Variants in PRKG1 observed in about 807,000 individuals in gnomAD.
PRKG1 encodes the protein protein kinase cGMP-dependent 1, also known as cGMP-dependent protein kinase 1.
In PRKG1, 35 loss-of-function variants were observed where a neutral mutation model predicts 88.1. The ratio of observed to expected loss-of-function variants is 0.40; its 90% CI spans 0.30 to 0.53. The LOEUF (loss-of-function observed/expected upper bound fraction) is 0.53, where lower values mean the gene tolerates loss of function less well. Ranked by LOEUF, PRKG1 falls within the 20% of genes least tolerant of loss-of-function variation. The pLI, the probability that PRKG1 is intolerant of heterozygous loss-of-function variation, is 0.59. For synonymous variants in PRKG1, 303 were observed against 292.5 expected (o/e 1.04, Z -0.37); for missense variants, 540 against 839.8 (o/e 0.64, Z 4.41).
At chr10:51,289,688 G>A (rs1840532731) in intron 2 of PRKG1, among the ~76,000 whole-genome samples, 1 of 152,018 alleles carries the variant, frequency 6.6e-6, no homozygotes, top group Admixed American at 6.6e-5. Flanking sequence ...GAGAGAGAGA[G>A]AGTTTGTGGG....
At chr10:51,804,075 C>A (rs1008964464) in intron 3 of PRKG1, among the ~76,000 whole-genome samples, 1 of 152,036 alleles carries the variant, frequency 6.6e-6, no homozygotes, top group Non-Finnish European at 1.5e-5. Context: ...GTAAAACGAG[C>A]TTTGTGTGGA....
intron 10 of PRKG1, among the ~76,000 whole-genome samples, chr10:52,269,063 T>TAAA (rs112305020): frequency 1.4e-5 from 2 of 142,310 alleles, no homozygotes; most frequent in Non-Finnish European, 1.6e-5. Context: ...TGTACAAGTA[T>TAAA]AAAAAAAAAA....
At chr10:51,421,587 C>T (rs189626187) in intron 2 of PRKG1, among the ~76,000 whole-genome samples, 1 of 152,226 alleles carries the variant, frequency 6.6e-6, no homozygotes, top group East Asian at 1.9e-4. Flanking sequence ...CTCTCAGAGC[C>T]CTGGTAAGTA....
chr10:51,807,957 GT>G (rs550229970), intron 4 of PRKG1, among the ~76,000 whole-genome samples: 1 of 152,126 alleles, frequency 6.6e-6, no homozygotes, highest in East Asian at 1.9e-4. Flanking sequence ...TTCAGGGTGT[GT>G]TTTTCTGAGC....
intron 3 of PRKG1, among the ~76,000 whole-genome samples, chr10:51,550,214 TCTAA>T (rs753102761): frequency 2.2e-4 from 33 of 152,118 alleles, no homozygotes; most frequent in Admixed American, 7.2e-4. Context: ...TTCCTTAATC[TCTAA>T]CTATTTCAAC....
intron 2 of PRKG1, among the ~76,000 whole-genome samples, chr10:51,176,932 A>C (rs955169801): frequency 6.6e-6 from 1 of 152,186 alleles, no homozygotes; most frequent in African/African-American, 2.4e-5. Context: ...TAAATGTTCC[A>C]CTGGGAGCAA....
At chr10:51,103,622 G>A (rs10995651) in intron 1 of PRKG1, among the ~76,000 whole-genome samples, 33,523 of 152,116 alleles carry the variant, frequency 0.22, 3,837 homozygotes, top group Admixed American at 0.27. Flanking sequence ...ATAAGAGGGA[G>A]GAGGGGGTCA....
chr10:51,350,638 T>C lies in PRKG1; in HGVS notation c.479-117085T>C, dbSNP rs960631766. ...AATCGGAAAGGAAGAAGTCAAATTATCCTTGTTTGCAGATGATATGATCTT... is the reference window on the plus strand; with the variant it reads ...AATCGGAAAGGAAGAAGTCAAATTACCCTTGTTTGCAGATGATATGATCTT... On this transcript the variant is annotated intron_variant, in intron 2 of 17. Transcript: ENST00000373980. Among the ~76,000 whole-genome samples, 7 of 152,052 alleles carry C rather than the reference T, an allele frequency of 4.6e-5. No individual in the cohort carries two copies. In the East Asian group the frequency reaches 1.4e-3, roughly 30 times the overall value.
At chr10:51,928,545 T>A (rs78118383) in intron 5 of PRKG1, among the ~76,000 whole-genome samples, 6 of 152,174 alleles carry the variant, frequency 3.9e-5, no homozygotes, top group Admixed American at 3.9e-4. Flanking sequence ...AGACTTTTAG[T>A]GTGCTGATAA....
At chr10:51,069,878 A>G (rs1303158052), upstream of PRKG1, among the ~76,000 whole-genome samples, 1 of 152,116 alleles carries the variant, frequency 6.6e-6, no homozygotes, top group African/African-American at 2.4e-5. Context: ...CAATTTTAGG[A>G]TTAGTACAAT....
intron 3 of PRKG1, among the ~76,000 whole-genome samples, chr10:51,799,674 A>G (rs541605561): frequency 6.6e-6 from 1 of 152,034 alleles, no homozygotes; most frequent in East Asian, 1.9e-4. Flanking sequence ...ACTAAATAGT[A>G]TAAAAGTATT....
chr10:51,458,960 C>T (rs528626593), intron 2 of PRKG1, among the ~76,000 whole-genome samples: 3 of 152,216 alleles, frequency 2.0e-5, no homozygotes, highest in East Asian at 3.9e-4. Context: ...TGAAGAATGA[C>T]TCTATTCACT....
intron 7 of PRKG1, among the ~76,000 whole-genome samples, chr10:52,131,645 G>A (rs1387245668): frequency 3.3e-5 from 5 of 151,500 alleles, no homozygotes; most frequent in Admixed American, 2.0e-4. Flanking sequence ...TCAGGAGTTC[G>A]AGACCAGCCT....
chr10:51,634,507 T>TC (rs1272178537), intron 3 of PRKG1, among the ~76,000 whole-genome samples: 2 of 152,178 alleles, frequency 1.3e-5, no homozygotes, highest in African/African-American at 4.8e-5. Context: ...ATGTTCTTAT[T>TC]CCAAATCTTG....
At chr10:51,212,227 A>G (rs9415779) in intron 2 of PRKG1, among the ~76,000 whole-genome samples, 2,304 of 151,886 alleles carry the variant, frequency 0.015, 44 homozygotes, top group African/African-American at 0.053. Flanking sequence ...AGGATTCCCT[A>G]TTTAATAAAT....
intron 3 of PRKG1, among the ~76,000 whole-genome samples, chr10:51,621,136 G>A (rs941549250): frequency 6.6e-5 from 10 of 151,030 alleles, no homozygotes; most frequent in Non-Finnish European, 1.0e-4. Flanking sequence ...TCTACCATGC[G>A]TGATCCACGG....
chr10:51,639,888 C>G (rs973086644), intron 3 of PRKG1, among the ~76,000 whole-genome samples: 1 of 152,072 alleles, frequency 6.6e-6, no homozygotes, highest in African/African-American at 2.4e-5. Context: ...AATCATTTTT[C>G]TATTCAAGAG....
intron 2 of PRKG1, among the ~76,000 whole-genome samples, chr10:51,266,580 C>G (rs4465326): frequency 2.0e-5 from 3 of 152,194 alleles, no homozygotes; most frequent in Non-Finnish European, 4.4e-5. Context: ...AAAATAGTTA[C>G]TGAAGTTTTT....
At chr10:51,052,884 A>G (rs1843581332) in intron 1 of PRKG1, among the ~76,000 whole-genome samples, 1 of 152,344 alleles carries the variant, frequency 6.6e-6, no homozygotes, top group East Asian at 1.9e-4. Context: ...GACAGCGCAT[A>G]GTGATTTTTT....
Sources: gnomAD v4.1 joint callset for allele counts (sites outside exome capture counted in the v4.1 genomes callset) on GRCh38, gnomAD v4.1.1 for gene constraint, MANE v1.5 for transcripts, NCBI Gene and HGNC (gene_info 2026-07-23, HGNC 2026-07-21) for gene names.